Variants in RERE observed in about 807,000 individuals in gnomAD.
RERE encodes arginine-glutamic acid dipeptide repeats protein.
Under a neutral mutation model 146.1 loss-of-function variants are expected in RERE, and 40 were observed. That is an observed-to-expected ratio of 0.27 (90% CI 0.21 to 0.36). The LOEUF (loss-of-function observed/expected upper bound fraction) is 0.36, where lower values mean the gene tolerates loss of function less well. Ranked by LOEUF, RERE falls within the 10% of genes least tolerant of loss-of-function variation. The pLI is 1.00. For missense variants in RERE, 1,933 were observed against 2,138.7 expected (o/e 0.90, Z 1.90); for synonymous variants, 1,003 against 866.0 (o/e 1.16, Z -2.78).
chr1:8,813,780 A>G lies in RERE; in HGVS notation c.-145+3380T>C, dbSNP rs187138559. Among the ~76,000 whole-genome samples, 7 of 152,046 alleles carry G rather than the reference A, an allele frequency of 4.6e-5. No individual in the cohort carries two copies. In the East Asian group the frequency reaches 1.4e-3, roughly 29 times the overall value. ...CAGCCACGCGCCAAAGTGCCAGGCTAATTTTTGTATTTTTAGTAGAGACGA... is the reference window on the plus strand; with the variant it reads ...CAGCCACGCGCCAAAGTGCCAGGCTGATTTTTGTATTTTTAGTAGAGACGA... On this transcript the variant is annotated intron_variant, in intron 1 of 22. Coordinates refer to ENST00000400908, the MANE Select transcript of RERE (RefSeq NM_001042681.2).
intron 19 of RERE, among the ~76,000 whole-genome samples, chr1:8,359,512 A>G (rs1641461695): frequency 6.6e-6 from 1 of 152,220 alleles, no homozygotes; most frequent in Non-Finnish European, 1.5e-5. Context: ...CCTTTCCTCG[A>G]AGGCCCTCCG....
chr1:8,564,092 T>C (rs973114908), intron 4 of RERE, among the ~76,000 whole-genome samples: 6 of 152,224 alleles, frequency 3.9e-5, no homozygotes, highest in African/African-American at 1.4e-4. Context: ...GTTAGACGTG[T>C]CACCTTAGCT....
chr1:8,792,247 A>G (rs751428365), intron 1 of RERE, among the ~76,000 whole-genome samples: 22 of 152,350 alleles, frequency 1.4e-4, no homozygotes, highest in Admixed American at 2.6e-4. Flanking sequence ...AAAAACAAAC[A>G]TAAGTTCAGT....
intron 1 of RERE, among the ~76,000 whole-genome samples, chr1:8,675,023 G>C (rs533598246): frequency 6.6e-6 from 1 of 152,284 alleles, no homozygotes; most frequent in East Asian, 1.9e-4. Flanking sequence ...TCAGCAAACA[G>C]AGGTCTTCTC....
chr1:8,519,430 C>G (rs1050601153), intron 7 of RERE, among the ~76,000 whole-genome samples: 1 of 152,066 alleles, frequency 6.6e-6, no homozygotes. Flanking sequence ...AAGACCCTGT[C>G]GCTAATAAAA....
intron 8 of RERE, among the ~76,000 whole-genome samples, chr1:8,504,334 A>C (rs1645220423): frequency 6.6e-6 from 1 of 152,244 alleles, no homozygotes; most frequent in African/African-American, 2.4e-5. Context: ...CACTGGGATT[A>C]AGTGAAAAGG....
At chr1:8,519,072 C>T (rs1343788265) in intron 7 of RERE, among the ~76,000 whole-genome samples, 1 of 152,066 alleles carries the variant, frequency 6.6e-6, no homozygotes, top group Non-Finnish European at 1.5e-5. Context: ...ATTAAATGAA[C>T]CTGAATTAAA....
intron 10 of RERE, among the ~76,000 whole-genome samples, chr1:8,473,324 T>G (rs1644714541): frequency 6.6e-6 from 1 of 152,172 alleles, no homozygotes; most frequent in Non-Finnish European, 1.5e-5. Flanking sequence ...CACCATACTC[T>G]CTTTGCTTCC....
intron 12 of RERE, among the ~76,000 whole-genome samples, chr1:8,387,936 C>T (rs561157970): frequency 6.6e-6 from 1 of 152,140 alleles, no homozygotes; most frequent in East Asian, 1.9e-4. Context: ...TGCATGTGTG[C>T]CAGTTGATGT....
intron 2 of RERE, among the ~76,000 whole-genome samples, chr1:8,628,628 T>C (rs1364424321): frequency 6.6e-6 from 1 of 152,196 alleles, no homozygotes; most frequent in Non-Finnish European, 1.5e-5. Flanking sequence ...AATTCTCATA[T>C]AAAAAGCATT....
chr1:8,472,745 A>G (rs1372896595), intron 10 of RERE, among the ~76,000 whole-genome samples: 1 of 152,174 alleles, frequency 6.6e-6, no homozygotes, highest in African/African-American at 2.4e-5. Context: ...AAAGCTAGGG[A>G]GGGGAGAAGC....
intron 1 of RERE, among the ~76,000 whole-genome samples, chr1:8,715,117 C>T (rs1639738498): frequency 2.0e-5 from 3 of 152,038 alleles, no homozygotes; most frequent in African/African-American, 2.4e-5. Flanking sequence ...TATGATCTGC[C>T]CGTCCTGGCC....
intron 19 of RERE, among the ~76,000 whole-genome samples, 174 bp downstream of exon 19, chr1:8,359,590 T>C (rs1429708633): frequency 2.0e-5 from 3 of 152,110 alleles, no homozygotes; most frequent in African/African-American, 7.2e-5. Flanking sequence ...CCCGGCAGCT[T>C]CGGATGTGCA....
intron 4 of RERE, among the ~76,000 whole-genome samples, chr1:8,558,899 G>A (rs1480315973): frequency 6.7e-6 from 1 of 149,264 alleles, no homozygotes; most frequent in Non-Finnish European, 1.5e-5. Flanking sequence ...AGGTTCAAAC[G>A]ATTCTCCTGC....
At chr1:8,652,567 G>A (rs550042635) in intron 2 of RERE, among the ~76,000 whole-genome samples, 25 of 152,264 alleles carry the variant, frequency 1.6e-4, no homozygotes, top group African/African-American at 5.5e-4. Flanking sequence ...ACAGGGCTGG[G>A]GAGGCCTTAG....
rs1307767695 is a variant in RERE at position 8,661,812 on chromosome 1, G to C, written c.-144-5371C>G. ...AAATCACAGAGTCGAAGTTGGCAGA[G>C]GTCCAGGCTGGAGATAATAATTTAG... On this transcript the variant is annotated intron_variant, in intron 1 of 22. Coordinates refer to ENST00000400908, the MANE Select transcript of RERE (RefSeq NM_001042681.2). 2.0e-5 allele frequency among the ~76,000 whole-genome samples: 3 copies of C among 152,264 alleles called. No homozygotes were observed. The East Asian group carries it at 5.8e-4, about 29-fold the overall frequency.
At chr1:8,740,402 C>T (rs1640284847) in intron 1 of RERE, among the ~76,000 whole-genome samples, 1 of 152,146 alleles carries the variant, frequency 6.6e-6, no homozygotes, top group African/African-American at 2.4e-5. Flanking sequence ...AATGTGAAGG[C>T]CTAGGACATT....
chr1:8,703,444 G>C (rs1395361238), intron 1 of RERE, among the ~76,000 whole-genome samples: 2 of 151,802 alleles, frequency 1.3e-5, no homozygotes, highest in Admixed American at 1.3e-4. Context: ...TCCCCGCGAC[G>C]GCGGCGGCCG....
At chr1:8,416,161 G>A (rs966029761) in intron 12 of RERE, among the ~76,000 whole-genome samples, 43 of 152,218 alleles carry the variant, frequency 2.8e-4, no homozygotes, top group African/African-American at 9.6e-4. Flanking sequence ...ATAGAATCTG[G>A]CAAGGTCTAA....
Sources: allele counts gnomAD v4.1 joint callset (sites outside exome capture counted in the v4.1 genomes callset), GRCh38; gene constraint gnomAD v4.1.1; transcripts MANE v1.5; gene names NCBI Gene and HGNC (gene_info 2026-07-23, HGNC 2026-07-21).